The following INPP4B variants were observed in gnomAD, a reference collection of about 807,000 sequenced individuals.
The protein encoded by INPP4B is inositol polyphosphate-4-phosphatase type II B, also known as inositol polyphosphate 4-phosphatase type II.
A neutral mutation model predicts 122.5 loss-of-function variants in INPP4B; 55 were observed. The observed-to-expected ratio is 0.45, with a 90% CI of 0.36 to 0.56. The LOEUF (loss-of-function observed/expected upper bound fraction) is 0.56. Among genes scored for constraint, INPP4B ranks in the 20% least tolerant of loss-of-function variants. The pLI is 0.00. For synonymous variants in INPP4B, 403 were observed against 388.7 expected, an observed-to-expected ratio of 1.04 and a Z score of -0.43; for missense variants, 1,000 against 1,097.7, an observed-to-expected ratio of 0.91 and a Z score of 1.26.
chr4:142,203,420 T>C lies in INPP4B; in HGVS notation c.1072+5005A>G, dbSNP rs115848808. On this transcript the variant is annotated intron_variant, in intron 14 of 25. Transcript: ENST00000262992. ...ATAGCATATAAAATAAAACAGAATA[T>C]TACATTACAAGAATTTATATTCCAT... 5.8e-3 allele frequency among the ~76,000 whole-genome samples: 890 copies of C among 152,154 alleles called. 9 individuals are homozygous for C. The highest frequency in any genetic ancestry group is 0.021 in the African/African-American group (857 of 41,500).
In INPP4B at chr4:142,625,270, C is replaced by T. The variant is rs574126760; in HGVS notation, c.-191+100569G>A. 8.6e-4 allele frequency among the ~76,000 whole-genome samples: 131 copies of T among 152,076 alleles called. 4 individuals are homozygous for T. In the South Asian group the frequency reaches 0.024, roughly 28 times the overall value. The stretch of plus-strand genomic sequence containing the variant: ...CCCAAAATCTCCTTAAGCTGATAAG[C>T]AACTTCAGCAAAGTCTCAGGATAAA... On this transcript the variant is annotated intron_variant, in intron 2 of 25. Coordinates refer to ENST00000262992, the MANE Select transcript of INPP4B (RefSeq NM_001101669.3).
chr4:142,624,662 C>A (rs891358747), intron 2 of INPP4B, among the ~76,000 whole-genome samples: 11 of 151,994 alleles, frequency 7.2e-5, no homozygotes, highest in Non-Finnish European at 1.0e-4. Context: ...CAAAGCCAGG[C>A]AAAGACACAA....
chr4:142,579,901 A>AGAT (rs1198794671), intron 2 of INPP4B, among the ~76,000 whole-genome samples: 1 of 151,244 alleles, frequency 6.6e-6, no homozygotes, highest in Non-Finnish European at 1.5e-5. Flanking sequence ...ATAGATAGAT[A>AGAT]GATAGATAGA....
In INPP4B at chr4:142,421,844, G is replaced by A. The variant is rs556720296; in HGVS notation, c.136+7329C>T. Among the ~76,000 whole-genome samples the A allele has an allele frequency of 2.6e-5, 4 of 152,034 alleles. No homozygotes were observed. In the South Asian group the frequency reaches 6.2e-4, roughly 24 times the overall value. On this transcript the variant is annotated intron_variant, in intron 5 of 25. Transcript: ENST00000262992. ...CTTGCTCAGCGCTTCCATAGTTTTTGGTTTATGCCTTTATTTTGCCCTTAC... is the reference window on the plus strand; with the variant it reads ...CTTGCTCAGCGCTTCCATAGTTTTTAGTTTATGCCTTTATTTTGCCCTTAC...
chr4:142,133,890 C>T (rs1394491911), intron 18 of INPP4B, among the ~76,000 whole-genome samples: 5 of 152,186 alleles, frequency 3.3e-5, no homozygotes, highest in East Asian at 1.9e-4. Context: ...AGACCTACAT[C>T]GCCTACTCCA....
chr4:142,689,592 C>A (rs1759861516), intron 2 of INPP4B, among the ~76,000 whole-genome samples: 1 of 152,062 alleles, frequency 6.6e-6, no homozygotes, highest in Non-Finnish European at 1.5e-5. Flanking sequence ...CATTTTGAAA[C>A]AACAAGCCAC....
chr4:142,037,676 AG>A (rs1341987362), intron 25 of INPP4B, among the ~76,000 whole-genome samples: 1 of 152,204 alleles, frequency 6.6e-6, no homozygotes, highest in African/African-American at 2.4e-5. Flanking sequence ...AGGATTTTAG[AG>A]CCAATATCTT....
At chr4:142,029,876 A>T in intron 25 of INPP4B, 2 of 1,129,666 alleles carry the variant, frequency 1.8e-6, no homozygotes, top group Non-Finnish European at 2.2e-6. Context: ...GTCTTATTCC[A>T]AAGACAGTAA....
chr4:142,127,477 A>G (rs367902299), intron 18 of INPP4B, among the ~76,000 whole-genome samples: 1 of 151,546 alleles, frequency 6.6e-6, no homozygotes, highest in Non-Finnish European at 1.5e-5. Context: ...AAAAAAAACA[A>G]CACCAAAACA....
At chr4:142,053,139 G>T in intron 25 of INPP4B, among the ~76,000 whole-genome samples, 1 of 152,072 alleles carries the variant, frequency 6.6e-6, no homozygotes, top group Non-Finnish European at 1.5e-5. Context: ...GAAAGGACAC[G>T]GCCAACAGGG....
At chr4:142,746,786 T>A (rs1768821918) in intron 1 of INPP4B, among the ~76,000 whole-genome samples, 1 of 152,162 alleles carries the variant, frequency 6.6e-6, no homozygotes, top group South Asian at 2.1e-4. Flanking sequence ...ATTCCCTATT[T>A]AAACAAAGGT....
chr4:142,384,982 T>C (rs1437246008), intron 7 of INPP4B, among the ~76,000 whole-genome samples: 1 of 152,236 alleles, frequency 6.6e-6, no homozygotes, highest in Non-Finnish European at 1.5e-5. Flanking sequence ...GATGCATATG[T>C]ACCTCATTTT....
At chr4:142,220,213 C>T (rs1047935127) in intron 12 of INPP4B, among the ~76,000 whole-genome samples, 1 of 152,202 alleles carries the variant, frequency 6.6e-6, no homozygotes, top group Admixed American at 6.5e-5. Flanking sequence ...TGGGGGAGTA[C>T]AGTTTCTCCT....
intron 2 of INPP4B, among the ~76,000 whole-genome samples, chr4:142,471,217 G>A (rs1401178053): frequency 6.6e-6 from 1 of 151,966 alleles, no homozygotes; most frequent in African/African-American, 2.4e-5. Context: ...TTTAATTAAC[G>A]ATCAAAATAG....
intron 25 of INPP4B, among the ~76,000 whole-genome samples, chr4:142,050,037 T>C (rs922182607): frequency 6.6e-6 from 1 of 152,012 alleles, no homozygotes; most frequent in South Asian, 2.1e-4. Flanking sequence ...ATTGATGATG[T>C]TGGAAGCTGA....
At chr4:142,104,381 A>G (rs1192145719) in intron 23 of INPP4B, among the ~76,000 whole-genome samples, 1 of 152,156 alleles carries the variant, frequency 6.6e-6, no homozygotes, top group Non-Finnish European at 1.5e-5. Context: ...ACAAAAGGGA[A>G]TGTGAAGGAT....
At chr4:142,078,423 T>C (rs1206403564) in intron 25 of INPP4B, among the ~76,000 whole-genome samples, 3 of 152,042 alleles carry the variant, frequency 2.0e-5, no homozygotes, top group Non-Finnish European at 4.4e-5. Flanking sequence ...ACCAAATACA[T>C]AGGACCCGAA....
intron 2 of INPP4B, among the ~76,000 whole-genome samples, chr4:142,512,142 A>G (rs1403973893): frequency 6.6e-6 from 1 of 152,188 alleles, no homozygotes; most frequent in Non-Finnish European, 1.5e-5. Context: ...ATTTAGTATA[A>G]GAATATCGTA....
chr4:142,718,262 T>A (rs1156932331), intron 2 of INPP4B, among the ~76,000 whole-genome samples: 1 of 152,154 alleles, frequency 6.6e-6, no homozygotes, highest in African/African-American at 2.4e-5. Flanking sequence ...TACAAGCAAA[T>A]GAACATGTTG....
Sources: gnomAD v4.1 joint callset for allele counts (sites outside exome capture counted in the v4.1 genomes callset) on GRCh38, gnomAD v4.1.1 for gene constraint, MANE v1.5 for transcripts, NCBI Gene and HGNC (gene_info 2026-07-23, HGNC 2026-07-21) for gene names.